Variants in BDP1 observed in about 807,000 individuals in gnomAD.
BDP1 encodes BDP1 general transcription factor IIIB subunit, also known as transcription factor TFIIIB component B'' homolog.
In BDP1, 169 loss-of-function variants were observed where a neutral mutation model predicts 266.6. The observed-to-expected ratio is 0.63, with a 90% CI of 0.56 to 0.72. BDP1 has a LOEUF of 0.72. Ranked by LOEUF, BDP1 falls within the 30% of genes least tolerant of loss-of-function variation. The pLI, the probability that BDP1 is intolerant of heterozygous loss-of-function variation, is 0.00. For synonymous variants in BDP1, 1,090 were observed against 1,022.4 expected, an observed-to-expected ratio of 1.07 and a Z score of -1.26; for missense variants, 3,015 against 3,053.8, an observed-to-expected ratio of 0.99 and a Z score of 0.30.
intron 34 of BDP1, among the ~76,000 whole-genome samples, chr5:71,551,959 C>T (rs1742808952): frequency 6.7e-6 from 1 of 150,178 alleles, no homozygotes; most frequent in Non-Finnish European, 1.5e-5. Context: ...GGGCTGACCC[C>T]CCCACCTCCC....
In BDP1 at chr5:71,522,793, C is replaced by A; in HGVS notation, c.5231C>A (p.Ala1744Glu). Residue 1744 changes from alanine (A) to glutamate (E), a missense_variant, in exon 24 of 39, where the codon GCA (alanine) becomes GAA (glutamate). This residue lies in a region of BDP1 where 2,383 missense variants were observed against 2,404.9 expected (regional missense o/e 0.99). Transcript: ENST00000358731. Reference protein sequence around the residue: ...AELLTSLEVSARKDCVGSKES... With the variant: ...AELLTSLEVSERKDCVGSKES... ...CTTCTGACATCTCTGGAGGTTTCAGCAAGAAAAGATTGTGTAGGTTCCAAA... is the reference window on the plus strand; with the variant it reads ...CTTCTGACATCTCTGGAGGTTTCAGAAAGAAAAGATTGTGTAGGTTCCAAA... 1 of 1,605,764 alleles carries A rather than the reference C, an allele frequency of 6.2e-7. No homozygotes were observed. Among genetic ancestry groups the A allele is most frequent in the Non-Finnish European group, 8.5e-7 (1 of 1,178,020 alleles).
intron 8 of BDP1, among the ~76,000 whole-genome samples, chr5:71,485,696 C>G (rs1366016905): frequency 2.6e-5 from 4 of 152,168 alleles, no homozygotes; most frequent in African/African-American, 7.2e-5. Context: ...TGATTACTTT[C>G]AGATATAATG....
chr5:71,492,390 T>A (rs963345662), intron 11 of BDP1, among the ~76,000 whole-genome samples: 2 of 152,130 alleles, frequency 1.3e-5, no homozygotes, highest in Non-Finnish European at 2.9e-5. Flanking sequence ...TTTTCACATC[T>A]TCTTCAATAC....
At chr5:71,468,607 C>CT (rs11376926) in intron 6 of BDP1, among the ~76,000 whole-genome samples, 96,365 of 134,778 alleles carry the variant, frequency 0.71, 35,789 homozygotes, top group East Asian at 0.84. Context: ...ACAATATTTC[C>CT]TTTTTTTTTT....
downstream of BDP1, among the ~76,000 whole-genome samples, chr5:71,570,635 T>G (rs986543042): frequency 1.3e-5 from 2 of 152,262 alleles, no homozygotes; most frequent in Non-Finnish European, 2.9e-5. Context: ...TTGCTATGGC[T>G]TATTACAGTA....
chr5:71,487,788 C>A (rs1023191740), intron 9 of BDP1, among the ~76,000 whole-genome samples: 3 of 152,212 alleles, frequency 2.0e-5, no homozygotes, highest in African/African-American at 7.2e-5. Context: ...TCAGCATAAA[C>A]CACATTGTAC....
In BDP1 at chr5:71,510,783, AGAG is replaced by A; in HGVS notation, c.3692_3694del (p.Arg1231_Glu1232delinsLys). 1 of 1,614,026 alleles carries A rather than the reference AGAG, an allele frequency of 6.2e-7. No homozygotes were observed. The highest frequency in any genetic ancestry group is 8.5e-7 in the Non-Finnish European group (1 of 1,180,012). ...AATGGAGACAGATTTGAAAGAAATT[AGAG>A]AAGAAATTTCCCAAAGGGAAAAGGT... On this transcript the variant is annotated inframe_deletion, in exon 17 of 39. Coordinates refer to ENST00000358731, the MANE Select transcript of BDP1 (RefSeq NM_018429.3).
intron 7 of BDP1, among the ~76,000 whole-genome samples, chr5:71,473,927 A>G (rs1007730049): frequency 1.3e-4 from 19 of 150,948 alleles, no homozygotes; most frequent in Non-Finnish European, 8.8e-5. Flanking sequence ...CTTAAGATGA[A>G]AACTTAGAGC....
intron 11 of BDP1, among the ~76,000 whole-genome samples, chr5:71,491,981 G>T (rs1485024754): frequency 2.0e-5 from 3 of 152,216 alleles, no homozygotes; most frequent in Non-Finnish European, 2.9e-5. Flanking sequence ...CTCCCAAAGT[G>T]CTGGGATTAC....
Position 71,504,752 on chromosome 5 carries a change from G to T in BDP1, c.2372+1G>T, listed in dbSNP as rs761846005. Reference sequence around the variant, plus strand: ...CCAAGGTTCTTAATGAATGTCTAAGGTAAGCATCATTTTGTTGATATATAA... The same window carrying T: ...CCAAGGTTCTTAATGAATGTCTAAGTTAAGCATCATTTTGTTGATATATAA... On this transcript the variant is annotated splice_donor_variant, in intron 16 of 38. Transcript: ENST00000358731. LOFTEE classifies it high-confidence loss of function. 1 of 1,611,228 alleles carries T rather than the reference G, an allele frequency of 6.2e-7. No individual in the cohort carries two copies. Among genetic ancestry groups the T allele is most frequent in the South Asian group, 1.1e-5 (1 of 90,100 alleles).
At chr5:71,480,492 A>G (rs1762885031) in intron 7 of BDP1, among the ~76,000 whole-genome samples, 1 of 150,860 alleles carries the variant, frequency 6.6e-6, no homozygotes, top group African/African-American at 2.4e-5. Flanking sequence ...CTGGTCTCGA[A>G]CTCCTGACCT....
chr5:71,473,571 C>T (rs1762402738), intron 7 of BDP1, among the ~76,000 whole-genome samples: 2 of 152,120 alleles, frequency 1.3e-5, no homozygotes, highest in Admixed American at 1.3e-4. Flanking sequence ...CTGCGCCTGG[C>T]TTCTTAATGT....
intron 36 of BDP1, among the ~76,000 whole-genome samples, chr5:71,559,764 A>G (rs571880154): frequency 6.6e-6 from 1 of 152,312 alleles, no homozygotes; most frequent in South Asian, 2.1e-4. Flanking sequence ...ATATATTGAT[A>G]TAACTATTTT....
chr5:71,492,112 T>A (rs1460881134), intron 11 of BDP1, among the ~76,000 whole-genome samples: 1 of 152,244 alleles, frequency 6.6e-6, no homozygotes. Context: ...ATTTCCTTTT[T>A]TATGAGCAAA....
Position 71,513,274 on chromosome 5 carries a change from C to A in BDP1, c.4337C>A (p.Ala1446Glu), listed in dbSNP as rs201688883. The change falls in exon 19 of 39, where the codon GCA (alanine) becomes GAA (glutamate). Residue 1446 changes from alanine (A) to glutamate (E), a missense_variant. Transcript: ENST00000358731. ...SRFKRPKPNL[A>E]RAALKRETTE... ...TTCAAAAGACCAAAACCAAACTTAG[C>A]AAGAGCAGCTTTGAAGAGAGAGACT... 5.6e-6 allele frequency: 9 copies of A among 1,613,294 alleles called. No individual in the cohort carries two copies. The African/African-American group carries it at 1.2e-4, about 22-fold the overall frequency.
intron 37 of BDP1, among the ~76,000 whole-genome samples, chr5:71,561,320 G>C (rs1482730421): frequency 6.6e-6 from 1 of 151,178 alleles, no homozygotes; most frequent in Non-Finnish European, 1.5e-5. Context: ...AGAATCGCTT[G>C]AACCCAGGAG....
At chr5:71,505,712 G>A (rs392791) in intron 16 of BDP1, among the ~76,000 whole-genome samples, 61,365 of 152,000 alleles carry the variant, frequency 0.4, 12,919 homozygotes, top group South Asian at 0.47. Context: ...TATTTAAATA[G>A]TACCTAGCTG....
In BDP1 at chr5:71,562,394, A is replaced by C. The variant is rs200298842; in HGVS notation, c.7617A>C (p.Arg2539Ser). 6.2e-7 allele frequency: 1 copy of C among 1,613,992 alleles called. No homozygotes were observed. Among genetic ancestry groups the C allele is most frequent in the Non-Finnish European group, 8.5e-7 (1 of 1,179,944 alleles). The change falls in exon 38 of 39, where the codon AGA becomes AGC. Residue 2539 changes from arginine (R) to serine (S), a missense_variant. Arg to Ser is a moderately radical substitution (Grantham distance 110, BLOSUM62 -1). This residue lies in a region of BDP1 where 629 missense variants were observed against 632.5 expected (regional missense o/e 0.99). Coordinates refer to ENST00000358731, the MANE Select transcript of BDP1 (RefSeq NM_018429.3). ...TAAAACCTCTTATACCTGGATTAAG[A>C]AAGAAATTGAAAAGATCTAATCCAT... ...KRLKPLIPGL[R>S]KKLKRSNPFN...
At chr5:71,463,640 G>A (rs2150351307) in intron 3 of BDP1, among the ~76,000 whole-genome samples, 1 of 151,818 alleles carries the variant, frequency 6.6e-6, no homozygotes, top group African/African-American at 2.4e-5. Flanking sequence ...TGGGCGATAT[G>A]GTGAGACCTC....
Sources: allele counts gnomAD v4.1 joint callset (sites outside exome capture counted in the v4.1 genomes callset), GRCh38; gene constraint gnomAD v4.1.1; regional missense constraint gnomAD v4.1.1; transcripts MANE v1.5; gene names NCBI Gene and HGNC (gene_info 2026-07-23, HGNC 2026-07-21).